The following BCAS3 variants were observed in gnomAD, a reference collection of about 807,000 sequenced individuals.
The protein encoded by BCAS3 is BCAS4/BCAS3 fusion.
Under a neutral mutation model 116.1 loss-of-function variants are expected in BCAS3, and 53 were observed. The ratio of observed to expected loss-of-function variants is 0.46; its 90% confidence interval spans 0.37 to 0.57. BCAS3 has a LOEUF of 0.57. BCAS3 is among the 20% of genes least tolerant of loss of function. The probability of loss-of-function intolerance (pLI) is 0.00; values close to 1 mark genes in which losing one functional copy is unlikely to be tolerated. For synonymous variants in BCAS3, 391 were observed against 408.2 expected (o/e 0.96, Z 0.51); for missense variants, 917 against 1,165.4 (o/e 0.79, Z 3.10).
In BCAS3 at chr17:61,326,319, T is replaced by C. The variant is rs1313796813; in HGVS notation, c.2426-42008T>C. Among the ~76,000 whole-genome samples the C allele has an allele frequency of 6.6e-6, 1 of 151,232 alleles. No individual in the cohort carries two copies. The highest frequency in any genetic ancestry group is 1.9e-4 in the East Asian group (1 of 5,154). On this transcript the variant is annotated intron_variant, in intron 22 of 23. Transcript: ENST00000407086. This position sits in a 1 kb window ranked among gnomAD's most constrained non-coding sequence, Gnocchi z 5.3. Reference sequence around the variant, plus strand: ...AGAGGAAAAAGAAATGCTTAAGGAGTTGAAAGAGGGCCTGGGTGGCTGGAG... The same window carrying C: ...AGAGGAAAAAGAAATGCTTAAGGAGCTGAAAGAGGGCCTGGGTGGCTGGAG...
chr17:61,334,960 T>G (rs889005719), intron 22 of BCAS3, among the ~76,000 whole-genome samples: 2 of 152,216 alleles, frequency 1.3e-5, no homozygotes, highest in Non-Finnish European at 2.9e-5. Flanking sequence ...AGCCTGAACC[T>G]GCCTGAGGAC....
chr17:61,128,171 C>G lies in BCAS3; in HGVS notation c.2425+43607C>G, dbSNP rs971085817. The G allele has an allele frequency of 1.0e-4, 102 of 985,236 alleles. No homozygotes were observed. The highest frequency in any genetic ancestry group is 3.1e-5 in the Non-Finnish European group (26 of 829,888). The allele number at this position is 985,236 out of a possible 1,614,324, so 61.0% of individuals were successfully genotyped here. ...AAACCTGACAACTCAATCTGGTTTT[C>G]TTTTAGGAAGCCTTCCACCAGGAAT... On this transcript the variant is annotated intron_variant, in intron 22 of 23. Coordinates refer to ENST00000407086, the MANE Select transcript of BCAS3 (RefSeq NM_017679.5). The surrounding 1 kb of genome is among the most constrained non-coding windows in gnomAD (Gnocchi z 4.1).
At chr17:60,948,945 C>T (rs529519970) in intron 14 of BCAS3, among the ~76,000 whole-genome samples, 16 of 150,146 alleles carry the variant, frequency 1.1e-4, no homozygotes, top group Admixed American at 4.6e-4. Flanking sequence ...GGTATGATCT[C>T]GGCTCACTGC....
rs1235768116 is a variant in BCAS3, at chr17:61,049,935, T to C, written c.2029+9043T>C. 1.3e-5 allele frequency among the ~76,000 whole-genome samples: 2 copies of C among 151,984 alleles called. 1 individual carries two copies. The highest frequency in any genetic ancestry group is 2.9e-5 in the Non-Finnish European group (2 of 67,922). On this transcript the variant is annotated intron_variant, in intron 19 of 23. Coordinates refer to ENST00000407086, the MANE Select transcript of BCAS3 (RefSeq NM_017679.5). ...TTTTAGTAGAGACGGGGTTTTTCCA[T>C]GTTGGTCAGGATGGCCTCAAACTCC... is the stretch of plus-strand genomic sequence containing the variant.
chr17:60,816,101 G>C (rs2049361648), intron 7 of BCAS3, among the ~76,000 whole-genome samples: 1 of 152,126 alleles, frequency 6.6e-6, no homozygotes, highest in African/African-American at 2.4e-5. Flanking sequence ...TCCATTTGGA[G>C]AGGAGTGGGA....
At chr17:60,780,847 C>T (rs2144488041) in intron 6 of BCAS3, among the ~76,000 whole-genome samples, 2 of 152,210 alleles carry the variant, frequency 1.3e-5, no homozygotes, top group Middle Eastern at 6.8e-3. Flanking sequence ...CATTTTTTGA[C>T]ATATTTTCCT....
At chr17:61,338,891 A>G (rs936065433) in intron 22 of BCAS3, among the ~76,000 whole-genome samples, 1,575 of 103,010 alleles carry the variant, frequency 0.015, 28 homozygotes, top group African/African-American at 0.076. Flanking sequence ...TTACTGGGAA[A>G]AAAAAAAAAA....
chr17:61,064,081 A>C (rs1048499741), intron 19 of BCAS3, among the ~76,000 whole-genome samples: 1 of 152,126 alleles, frequency 6.6e-6, no homozygotes, highest in Non-Finnish European at 1.5e-5. Flanking sequence ...TGTCCTTAAA[A>C]TGGTTTGACC....
chr17:61,147,077 G>C (rs760652912), intron 22 of BCAS3, among the ~76,000 whole-genome samples: 1 of 151,294 alleles, frequency 6.6e-6, no homozygotes, highest in African/African-American at 2.4e-5. Flanking sequence ...ACCATGCCTG[G>C]CTAATTTTTT....
rs2067517620 is a variant in BCAS3, at chr17:61,041,649, A to G, written c.2029+757A>G. ...TTTTTAATGAAACTTTGTTGTATTT[A>G]ACACATTGTCTTGCCCGGTATATTA... On this transcript the variant is annotated intron_variant, in intron 19 of 23. Coordinates refer to ENST00000407086, the MANE Select transcript of BCAS3 (RefSeq NM_017679.5). The surrounding 1 kb of genome is among the most constrained non-coding windows in gnomAD (Gnocchi z 4.7). Among the ~76,000 whole-genome samples, 1 of 152,076 alleles carries G rather than the reference A, an allele frequency of 6.6e-6. No individual in the cohort carries two copies. The highest frequency in any genetic ancestry group is 1.5e-5 in the Non-Finnish European group (1 of 67,990).
chr17:61,319,711 T>G (rs1407151737), intron 22 of BCAS3, among the ~76,000 whole-genome samples: 1 of 152,048 alleles, frequency 6.6e-6, no homozygotes, highest in Non-Finnish European at 1.5e-5. Context: ...TATTTACTCC[T>G]TAGTGCAGAA....
At chr17:60,785,430 A>T (rs2046210191) in intron 6 of BCAS3, among the ~76,000 whole-genome samples, 1 of 152,136 alleles carries the variant, frequency 6.6e-6, no homozygotes, top group Non-Finnish European at 1.5e-5. Flanking sequence ...AAGTGCTGGG[A>T]TTACAGGAAT....
At chr17:60,715,391 C>A (rs1371560028) in intron 5 of BCAS3, among the ~76,000 whole-genome samples, 1 of 151,412 alleles carries the variant, frequency 6.6e-6, no homozygotes, top group Non-Finnish European at 1.5e-5. Context: ...CCTGCCTAGA[C>A]CTCCCAACGT....
intron 22 of BCAS3, among the ~76,000 whole-genome samples, chr17:61,342,529 A>G (rs2057235945): frequency 6.6e-6 from 1 of 152,194 alleles, no homozygotes; most frequent in African/African-American, 2.4e-5. Flanking sequence ...AGGACCTCCC[A>G]ACGCCGAGCA....
At chr17:60,861,150 G>A (rs1016303523) in intron 7 of BCAS3, among the ~76,000 whole-genome samples, 1 of 152,090 alleles carries the variant, frequency 6.6e-6, no homozygotes, top group African/African-American at 2.4e-5. Context: ...ATTTGCTTGT[G>A]TCATCTCTGA....
intron 5 of BCAS3, among the ~76,000 whole-genome samples, chr17:60,717,325 C>A (rs1321988251): frequency 6.6e-6 from 1 of 151,524 alleles, no homozygotes; most frequent in Non-Finnish European, 1.5e-5. Flanking sequence ...AAGCGATTCT[C>A]CTGCCTCAGC....
rs184865440 is a variant in BCAS3, at chr17:61,047,954, T to C, written c.2029+7062T>C. Among the ~76,000 whole-genome samples the C allele has an allele frequency of 1.6e-3, 250 of 152,148 alleles. 1 individual carries two copies. The highest frequency in any genetic ancestry group is 5.2e-3 in the African/African-American group (214 of 41,548). On this transcript the variant is annotated intron_variant, in intron 19 of 23. Transcript: ENST00000407086. ...AAATCAGGCTGTGATGTGTGAAAAG[T>C]TCCTCTGTAAACTTACTGAGTTTTA... is the stretch of plus-strand genomic sequence containing the variant.
intron 14 of BCAS3, among the ~76,000 whole-genome samples, chr17:60,968,434 G>C (rs1038256657): frequency 6.6e-6 from 1 of 152,076 alleles, no homozygotes; most frequent in African/African-American, 2.4e-5. Flanking sequence ...CTCTCATTGT[G>C]TTGCCCTGCC....
rs2143878715 is a variant in BCAS3, at chr17:61,132,629, G to T, written c.2425+48065G>T. Among the ~76,000 whole-genome samples the T allele has an allele frequency of 6.6e-6, 1 of 152,322 alleles. No homozygotes were observed. Among genetic ancestry groups the T allele is most frequent in the East Asian group, 1.9e-4 (1 of 5,188 alleles). ...ATACTTAGAGAGGGAGAAAGATAAA[G>T]TGCCTTGGAAGCCGTGAAACATTCT... On this transcript the variant is annotated intron_variant, in intron 22 of 23. Transcript: ENST00000407086. The surrounding 1 kb of genome is among the most constrained non-coding windows in gnomAD (Gnocchi z 5.1).
Sources: gnomAD v4.1 joint callset for allele counts (sites outside exome capture counted in the v4.1 genomes callset) on GRCh38, gnomAD v4.1.1 for gene constraint, Gnocchi (gnomAD v3.1) non-coding constraint, MANE v1.5 for transcripts, NCBI Gene and HGNC (gene_info 2026-07-23, HGNC 2026-07-21) for gene names.